The following TRDMT1 variants were observed in gnomAD, a reference collection of about 807,000 sequenced individuals.
TRDMT1 encodes the protein tRNA aspartic acid methyltransferase 1.
TRDMT1 carries 49 observed loss-of-function variants against 51.2 expected under a neutral mutation model. That is an observed-to-expected ratio of 0.96 (90% CI 0.76 to 1.21). TRDMT1 has a LOEUF of 1.21. Ranked by LOEUF, TRDMT1 falls within the 50% of genes most tolerant of loss-of-function variation. TRDMT1 has a pLI of 0.00. For synonymous variants in TRDMT1, 187 were observed against 164.6 expected (o/e 1.14, Z -1.04); for missense variants, 534 against 462.3 (o/e 1.16, Z -1.42).
intron 5 of TRDMT1, 101 bp from the exon 6 acceptor site, chr10:17,160,475 T>G (rs1217317315): frequency 2.6e-6 from 2 of 757,410 alleles, no homozygotes; most frequent in East Asian, 6.4e-5. Context: ...TTTTCTTGTT[T>G]TTTTGGTTTT....
At position 17,145,114 on chromosome 10, in the gene TRDMT1, G is replaced by T; in HGVS notation, c.*3926C>A. On this transcript the variant is annotated 3_prime_UTR_variant, in exon 11 of 11. Transcript: ENST00000377799. ...ATACAAAAATTAGCTAGGTGTGGTGGCATGCGCCTGTAATCCCAGCTACTA... is the reference window on the plus strand; with the variant it reads ...ATACAAAAATTAGCTAGGTGTGGTGTCATGCGCCTGTAATCCCAGCTACTA... The T allele has an allele frequency of 1.8e-6, 1 of 565,678 alleles. No homozygotes were observed. Among genetic ancestry groups the T allele is most frequent in the Non-Finnish European group, 2.2e-6 (1 of 446,586 alleles). The allele number at this position is 565,678 out of a possible 1,614,324, so 35.0% of individuals were successfully genotyped here. A position where few individuals can be genotyped will look rare whatever the true frequency, so the allele number is the denominator to read the frequency against.
intron 3 of TRDMT1, among the ~76,000 whole-genome samples, chr10:17,164,966 T>C (rs1840968823): frequency 6.6e-6 from 1 of 152,158 alleles, no homozygotes; most frequent in African/African-American, 2.4e-5. Flanking sequence ...ATAGATTCAA[T>C]GCCATCCCCA....
At chr10:17,194,909 T>C (rs1845176621) in intron 1 of TRDMT1, among the ~76,000 whole-genome samples, 1 of 111,840 alleles carries the variant, frequency 8.9e-6, no homozygotes, top group African/African-American at 3.6e-5. Context: ...CTCCAGCCTG[T>C]GCAACAAAGC....
Position 17,138,375 on chromosome 10 carries a change from T to C in TRDMT1, c.*10665A>G, listed in dbSNP as rs1055669887. On this transcript the variant is annotated 3_prime_UTR_variant, in exon 11 of 11. Transcript: ENST00000377799. ...ACATTTACATATGTCAGTTTTGTGA[T>C]TTTCTGCAAAATTTCAGGGCAATAT... is the stretch of plus-strand genomic sequence containing the variant. Among the ~76,000 whole-genome samples, 3 of 152,242 alleles carry C rather than the reference T, an allele frequency of 2.0e-5. No homozygotes were observed. The highest frequency in any genetic ancestry group is 4.4e-5 in the Non-Finnish European group (3 of 68,044).
At chr10:17,201,229 C>CCG in intron 1 of TRDMT1, 1 of 256,164 alleles carries the variant, frequency 3.9e-6, no homozygotes, top group Non-Finnish European at 7.5e-6. Context: ...TCGGTGGCTG[C>CCG]ACACTTAGAA....
At chr10:17,194,698 C>G (rs192723550) in intron 1 of TRDMT1, among the ~76,000 whole-genome samples, 1 of 152,014 alleles carries the variant, frequency 6.6e-6, no homozygotes, top group Non-Finnish European at 1.5e-5. Flanking sequence ...TTTGGGAGAA[C>G]GAGGCAGGTG....
intron 1 of TRDMT1, among the ~76,000 whole-genome samples, chr10:17,177,764 ACTTTC>A (rs372431448): frequency 8.0e-4 from 116 of 145,856 alleles, no homozygotes; most frequent in African/African-American, 2.1e-3. Flanking sequence ...GAATAGCAAT[ACTTTC>A]CTTTCTTTTT....
In TRDMT1 at chr10:17,147,938, C is replaced by A. The variant is rs971582234; in HGVS notation, c.*1102G>T. 2.1e-6 allele frequency: 2 copies of A among 964,634 alleles called. No homozygotes were observed. Among genetic ancestry groups the A allele is most frequent in the African/African-American group, 3.5e-5 (2 of 56,780 alleles). The allele number at this position is 964,634 out of a possible 1,614,324, so 59.8% of individuals were successfully genotyped here. A position where few individuals can be genotyped will look rare whatever the true frequency, so the allele number is the denominator to read the frequency against. On this transcript the variant is annotated 3_prime_UTR_variant, in exon 11 of 11. Transcript: ENST00000377799. ...CCATTTTACGTTCCCACAAGCAATG[C>A]ACAAACTTCCAATTTATCCACCTCT...
chr10:17,169,608 A>G (rs1841698043), intron 2 of TRDMT1: 2 of 998,056 alleles, frequency 2.0e-6, no homozygotes, highest in Admixed American at 4.7e-5. Flanking sequence ...AAGCACTCTC[A>G]GTGCACATCT....
intron 9 of TRDMT1, among the ~76,000 whole-genome samples, chr10:17,153,876 T>C (rs1450262950): frequency 6.6e-6 from 1 of 152,170 alleles, no homozygotes; most frequent in Non-Finnish European, 1.5e-5. Flanking sequence ...AGGGTGTCTG[T>C]CATTTTTGAG....
At chr10:17,183,883 G>T (rs541978865) in intron 1 of TRDMT1, among the ~76,000 whole-genome samples, 1 of 152,270 alleles carries the variant, frequency 6.6e-6, no homozygotes, top group South Asian at 2.1e-4. Flanking sequence ...CATGCCAATT[G>T]TGCTGTGACC....
Position 17,150,729 on chromosome 10 carries a change from C to T in TRDMT1, c.1076-1589G>A, listed in dbSNP as rs538951489. 3 of 985,038 alleles carry T rather than the reference C, an allele frequency of 3.0e-6. No individual in the cohort carries two copies. In the East Asian group the frequency reaches 3.4e-4, roughly 112 times the overall value. 61.0% of individuals were successfully genotyped at this position (985,038 alleles called of 1,614,324 possible). ...AGTTACAATAAAGTTGCTTCATTGA[C>T]ACTTGACATTTTATTAACTGCAATA... On this transcript the variant is annotated intron_variant, in intron 10 of 10. Transcript: ENST00000377799.
intron 1 of TRDMT1, among the ~76,000 whole-genome samples, chr10:17,196,177 T>G (rs7904432): frequency 0.8 from 122,256 of 152,222 alleles, 49,433 homozygotes; most frequent in Middle Eastern, 0.88. Flanking sequence ...ACAAATGAGA[T>G]GCTTAGCATT....
At position 17,139,119 on chromosome 10, in the gene TRDMT1, T is replaced by C; in HGVS notation, c.*9921A>G. On this transcript the variant is annotated 3_prime_UTR_variant, in exon 11 of 11. Transcript: ENST00000377799. ...GACTTCAGCAGCTCCATTGGATTAATCCAAGCTTGGTTTCCAAGGTGTGAA... is the reference window on the plus strand; with the variant it reads ...GACTTCAGCAGCTCCATTGGATTAACCCAAGCTTGGTTTCCAAGGTGTGAA... The C allele has an allele frequency of 1.0e-6, 1 of 956,580 alleles. No homozygotes were observed. The highest frequency in any genetic ancestry group is 4.8e-5 in the South Asian group (1 of 20,758). 59.3% of individuals were successfully genotyped at this position (956,580 alleles called of 1,614,324 possible).
At chr10:17,182,900 A>G (rs558415792) in intron 1 of TRDMT1, among the ~76,000 whole-genome samples, 2 of 152,340 alleles carry the variant, frequency 1.3e-5, no homozygotes, top group South Asian at 2.1e-4. Flanking sequence ...TTCACCAATA[A>G]TGACAGAAAT....
intron 3 of TRDMT1, among the ~76,000 whole-genome samples, chr10:17,164,128 T>C (rs1350800544): frequency 5.3e-5 from 8 of 152,156 alleles, no homozygotes; most frequent in Non-Finnish European, 1.2e-4. Context: ...AATAAAATAC[T>C]GGCAAACCGA....
chr10:17,160,454 T>C, intron 5 of TRDMT1, 80 bp from the exon 6 acceptor site: 2 of 998,208 alleles, frequency 2.0e-6, no homozygotes, highest in Non-Finnish European at 2.8e-6. Flanking sequence ...AAGCTGGGTT[T>C]CTTTTGTTTG....
chr10:17,186,049 TAATAAATAAATAAATAAATA>T (rs10688504), intron 1 of TRDMT1, among the ~76,000 whole-genome samples: 2 of 143,026 alleles, frequency 1.4e-5, no homozygotes, highest in African/African-American at 5.2e-5. Context: ...ACTTACAGTA[TAATAAATAAATAAATAAATA>T]AATAAATAAA....
Position 17,142,842 on chromosome 10 carries a change from G to T in TRDMT1, c.*6198C>A. On this transcript the variant is annotated 3_prime_UTR_variant, in exon 11 of 11. Transcript: ENST00000377799. ...GGGTCCCTCCGCAGTGTGTCTTCCTGGTCCCACCTTTCAGAATTCTCCTTC... is the reference window on the plus strand; with the variant it reads ...GGGTCCCTCCGCAGTGTGTCTTCCTTGTCCCACCTTTCAGAATTCTCCTTC... 1 of 418,094 alleles carries T rather than the reference G, an allele frequency of 2.4e-6. No homozygotes were observed. The highest frequency in any genetic ancestry group is 2.2e-5 in the African/African-American group (1 of 46,482). 25.9% of individuals were successfully genotyped at this position (418,094 alleles called of 1,614,324 possible). A position where few individuals can be genotyped will look rare whatever the true frequency, so the allele number is the denominator to read the frequency against.
Sources: gnomAD v4.1 joint callset for allele counts (sites outside exome capture counted in the v4.1 genomes callset) on GRCh38, gnomAD v4.1.1 for gene constraint, MANE v1.5 for transcripts, NCBI Gene and HGNC (gene_info 2026-07-23, HGNC 2026-07-21) for gene names.